Variants in TANGO6 observed in about 807,000 individuals in gnomAD.
TANGO6 encodes the protein transport and golgi organization 6 homolog, also known as transport and Golgi organization protein 6 homolog.
A neutral mutation model predicts 114.2 loss-of-function variants in TANGO6; 90 were observed. That is an observed-to-expected ratio of 0.79 (90% CI 0.66 to 0.94). The LOEUF (loss-of-function observed/expected upper bound fraction) is 0.94, where lower values mean the gene tolerates loss of function less well. Ranked by LOEUF, TANGO6 falls within the 40% of genes least tolerant of loss-of-function variation. The probability of loss-of-function intolerance (pLI) is 0.00; values close to 1 mark genes in which losing one functional copy is unlikely to be tolerated. For missense variants in TANGO6, 1,274 were observed against 1,315.3 expected (o/e 0.97, Z 0.49); for synonymous variants, 477 against 509.8 (o/e 0.94, Z 0.87).
At chr16:68,933,827 G>A (rs1963272271) in intron 14 of TANGO6, 1 of 152,220 alleles carries the variant, frequency 6.6e-6, no homozygotes, top group Non-Finnish European at 1.5e-5. Context: ...AAAGGGCATT[G>A]ATGCAGTAAT....
intron 17 of TANGO6, among the ~76,000 whole-genome samples, chr16:69,051,890 G>A (rs918722965): frequency 3.3e-5 from 5 of 150,796 alleles, no homozygotes; most frequent in Non-Finnish European, 7.4e-5. Flanking sequence ...TTTACAGATG[G>A]TATGCTTATA....
chr16:69,055,361 C>G (rs1024723146), intron 17 of TANGO6, among the ~76,000 whole-genome samples: 1 of 152,190 alleles, frequency 6.6e-6, no homozygotes, highest in Admixed American at 6.5e-5. Flanking sequence ...CTATGCTTCC[C>G]TTTCATTTCA....
At chr16:68,913,402 T>TA (rs1251072579) in intron 11 of TANGO6, among the ~76,000 whole-genome samples, 12 of 148,180 alleles carry the variant, frequency 8.1e-5, no homozygotes, top group African/African-American at 3.0e-4. Context: ...ATAAAATTAT[T>TA]AATTTTTTTT....
chr16:68,939,893 G>T (rs1045575793), intron 14 of TANGO6, among the ~76,000 whole-genome samples: 5 of 151,976 alleles, frequency 3.3e-5, no homozygotes, highest in Non-Finnish European at 5.9e-5. Flanking sequence ...TTTCTAGTGT[G>T]CTGTACATAT....
chr16:69,018,626 T>C (rs1197144564), intron 15 of TANGO6, among the ~76,000 whole-genome samples: 1 of 151,790 alleles, frequency 6.6e-6, no homozygotes, highest in Non-Finnish European at 1.5e-5. Context: ...AATGTACATA[T>C]TTAAATCTGT....
chr16:69,025,895 T>C, intron 16 of TANGO6: 1 of 238,100 alleles, frequency 4.2e-6, no homozygotes, highest in Non-Finnish European at 9.3e-6. Context: ...CCTGAACCCC[T>C]TTCAGTGTCA....
intron 17 of TANGO6, among the ~76,000 whole-genome samples, chr16:69,059,259 T>TGG (rs531681068): frequency 6.6e-6 from 1 of 151,608 alleles, no homozygotes; most frequent in Non-Finnish European, 1.5e-5. Flanking sequence ...TTAGTAGAGA[T>TGG]GGGGGTCTCA....
intron 3 of TANGO6, among the ~76,000 whole-genome samples, chr16:68,864,170 G>A (rs1454701666): frequency 4.3e-5 from 6 of 139,632 alleles, no homozygotes; most frequent in Admixed American, 6.9e-5. Context: ...GCAAAACTCC[G>A]TCTCAAAAAA....
At chr16:68,875,350 AC>A in intron 5 of TANGO6, 60 bp downstream of exon 5, 1 of 1,568,266 alleles carries the variant, frequency 6.4e-7, no homozygotes, top group Non-Finnish European at 8.7e-7. Context: ...CAGAAAGAGG[AC>A]TTTTAATGTT....
At chr16:68,865,529 A>G (rs1284923352) in intron 3 of TANGO6, among the ~76,000 whole-genome samples, 1 of 152,232 alleles carries the variant, frequency 6.6e-6, no homozygotes, top group Admixed American at 6.5e-5. Context: ...AATAAGGGAC[A>G]CCAAGTCTAT....
chr16:68,888,386 A>G (rs1437196311), intron 7 of TANGO6, among the ~76,000 whole-genome samples: 1 of 152,198 alleles, frequency 6.6e-6, no homozygotes, highest in East Asian at 1.9e-4. Context: ...AGGACAATGT[A>G]AGAGAGTTAT....
chr16:69,014,728 C>CT (rs1959258564), intron 15 of TANGO6, among the ~76,000 whole-genome samples: 2 of 151,646 alleles, frequency 1.3e-5, no homozygotes, highest in South Asian at 4.2e-4. Context: ...GGCCCAATCT[C>CT]TGTAAAAAAA....
At chr16:69,053,598 A>G (rs1418623927) in intron 17 of TANGO6, among the ~76,000 whole-genome samples, 2 of 152,162 alleles carry the variant, frequency 1.3e-5, no homozygotes, top group East Asian at 3.9e-4. Flanking sequence ...TTCTAAGCCT[A>G]CTGCAAGATT....
intron 1 of TANGO6, among the ~76,000 whole-genome samples, chr16:68,857,273 C>CT (rs1962010748): frequency 6.6e-6 from 1 of 152,122 alleles, no homozygotes; most frequent in South Asian, 2.1e-4. Context: ...AGACTGGCTT[C>CT]TTTCACTTAG....
intron 14 of TANGO6, among the ~76,000 whole-genome samples, chr16:68,933,407 T>C (rs1963267033): frequency 6.6e-6 from 1 of 152,164 alleles, no homozygotes; most frequent in South Asian, 2.1e-4. Context: ...AGAGCAAGAC[T>C]CCTTCTCAGA....
intron 15 of TANGO6, among the ~76,000 whole-genome samples, chr16:69,007,620 C>T (rs752393638): frequency 1.3e-5 from 2 of 152,050 alleles, no homozygotes; most frequent in Non-Finnish European, 2.9e-5. Context: ...GAATTTTGGG[C>T]TATTATGAAT....
chr16:68,847,858 G>A (rs1423041488), intron 1 of TANGO6, among the ~76,000 whole-genome samples: 1 of 151,984 alleles, frequency 6.6e-6, no homozygotes, highest in African/African-American at 2.4e-5. Context: ...AAATTAGCTG[G>A]GCGTGGTGGC....
intron 16 of TANGO6, chr16:69,033,894 A>G (rs1567562665): frequency 1.2e-5 from 2 of 173,696 alleles, no homozygotes; most frequent in East Asian, 2.5e-4. Context: ...CTGGAGACCT[A>G]TCTCTTCTCC....
At chr16:68,949,530 A>G (rs1011525715) in intron 14 of TANGO6, among the ~76,000 whole-genome samples, 1 of 152,068 alleles carries the variant, frequency 6.6e-6, no homozygotes, top group Non-Finnish European at 1.5e-5. Context: ...CTGAGGCAGG[A>G]GAATCGCTTG....
Sources: gnomAD v4.1 joint callset for allele counts (sites outside exome capture counted in the v4.1 genomes callset) on GRCh38, gnomAD v4.1.1 for gene constraint, MANE v1.5 for transcripts, NCBI Gene and HGNC (gene_info 2026-07-23, HGNC 2026-07-21) for gene names.